ERBB4: variants seen among roughly 807,000 people sequenced by gnomAD.
ERBB4 encodes the protein erb-b2 receptor tyrosine kinase 4, also known as receptor tyrosine-protein kinase erbB-4.
In ERBB4, 42 loss-of-function variants were observed where a neutral mutation model predicts 158.0. The observed-to-expected ratio is 0.27, with a 90% confidence interval of 0.21 to 0.34. The LOEUF (loss-of-function observed/expected upper bound fraction) is 0.34. ERBB4 is among the 10% of genes least tolerant of loss of function. ERBB4 has a pLI of 1.00. For missense variants in ERBB4, 1,333 were observed against 1,624.1 expected, an observed-to-expected ratio of 0.82 and a Z score of 3.08; for synonymous variants, 583 against 558.7, an observed-to-expected ratio of 1.04 and a Z score of -0.61.
At chr2:211,821,200 T>A (rs986241453) in intron 3 of ERBB4, among the ~76,000 whole-genome samples, 13 of 151,802 alleles carry the variant, frequency 8.6e-5, no homozygotes, top group African/African-American at 2.9e-4. Flanking sequence ...AGTTGCAGAT[T>A]GCAAAATCAA....
chr2:212,395,563 T>C (rs1294108124), intron 1 of ERBB4, among the ~76,000 whole-genome samples: 1 of 151,344 alleles, frequency 6.6e-6, no homozygotes, highest in Non-Finnish European at 1.5e-5. Flanking sequence ...TGTGTTAGCA[T>C]CTTTGGCTTG....
chr2:212,522,038 C>T (rs1692198758), intron 1 of ERBB4, among the ~76,000 whole-genome samples: 1 of 151,838 alleles, frequency 6.6e-6, no homozygotes, highest in Non-Finnish European at 1.5e-5. Context: ...TGTCAATGAC[C>T]TAAAATACTT....
chr2:211,509,651 G>A (rs2065841047), intron 20 of ERBB4, among the ~76,000 whole-genome samples: 1 of 147,886 alleles, frequency 6.8e-6, no homozygotes, highest in African/African-American at 2.4e-5. Flanking sequence ...TATCAATAGA[G>A]TAAACAGTCT....
intron 1 of ERBB4, among the ~76,000 whole-genome samples, chr2:212,326,793 C>G (rs888390083): frequency 6.6e-6 from 1 of 150,750 alleles, no homozygotes; most frequent in Non-Finnish European, 1.5e-5. Flanking sequence ...GATTGGTATT[C>G]TAGATCCAAA....
chr2:212,425,090 CTT>C (rs527348100), intron 1 of ERBB4, among the ~76,000 whole-genome samples: 9 of 151,554 alleles, frequency 5.9e-5, no homozygotes, highest in Non-Finnish European at 1.3e-4. Context: ...TTTTTCTAAG[CTT>C]TCTTAAAACT....
chr2:212,396,591 C>A (rs2091032438), intron 1 of ERBB4, among the ~76,000 whole-genome samples: 1 of 152,058 alleles, frequency 6.6e-6, no homozygotes, highest in Non-Finnish European at 1.5e-5. Context: ...GCTATTATTA[C>A]CCTTACAGAA....
chr2:212,392,921 T>A (rs2090919500), intron 1 of ERBB4, among the ~76,000 whole-genome samples: 6 of 152,038 alleles, frequency 3.9e-5, no homozygotes. Context: ...TTTCTGCTTG[T>A]GCCACTTTTG....
chr2:212,240,684 A>AAGGAC (rs1369031786), intron 1 of ERBB4, among the ~76,000 whole-genome samples: 7 of 151,312 alleles, frequency 4.6e-5, no homozygotes, highest in African/African-American at 1.7e-4. Flanking sequence ...AAAAAGAAAA[A>AAGGAC]AGGACAGATA....
chr2:211,775,156 C>G (rs146740070), intron 4 of ERBB4, among the ~76,000 whole-genome samples: 1 of 152,222 alleles, frequency 6.6e-6, no homozygotes, highest in Non-Finnish European at 1.5e-5. Context: ...AACTAAGGTT[C>G]TATCTTGGAC....
At chr2:212,111,821 C>T (rs2125541507) in intron 2 of ERBB4, among the ~76,000 whole-genome samples, 1 of 152,108 alleles carries the variant, frequency 6.6e-6, no homozygotes, top group Non-Finnish European at 1.5e-5. Flanking sequence ...TTTTAAGGCG[C>T]TCTTGAGTTC....
At chr2:212,446,597 A>ATATATATATATATATATATG (rs2092357579) in intron 1 of ERBB4, among the ~76,000 whole-genome samples, 1 of 17,200 alleles carries the variant, frequency 5.8e-5, no homozygotes. Flanking sequence ...ATATGTATAT[A>ATATATATATATATATATATG]TATATATATA....
chr2:211,547,416 T>A (rs930296515), intron 20 of ERBB4, among the ~76,000 whole-genome samples: 1 of 152,024 alleles, frequency 6.6e-6, no homozygotes. Flanking sequence ...AAAAGGCAAA[T>A]CTTATCTCCA....
At chr2:211,816,363 A>G (rs2076879755) in intron 3 of ERBB4, among the ~76,000 whole-genome samples, 1 of 151,770 alleles carries the variant, frequency 6.6e-6, no homozygotes, top group African/African-American at 2.4e-5. Flanking sequence ...CAACATGATG[A>G]AACCCCGTCT....
intron 12 of ERBB4, among the ~76,000 whole-genome samples, chr2:211,680,382 T>C (rs1215528512): frequency 6.6e-6 from 1 of 152,202 alleles, no homozygotes; most frequent in Non-Finnish European, 1.5e-5. Context: ...TTTGAGGTAT[T>C]TGAAACACAA....
chr2:211,768,904 A>G (rs2075623813), intron 4 of ERBB4, among the ~76,000 whole-genome samples: 1 of 152,220 alleles, frequency 6.6e-6, no homozygotes, highest in South Asian at 2.1e-4. Context: ...ATTTCTCATC[A>G]GAAAATAAGT....
chr2:212,100,763 A>G lies in ERBB4; in HGVS notation c.234+23989T>C, dbSNP rs538861497. 3.9e-5 allele frequency among the ~76,000 whole-genome samples: 6 copies of G among 152,280 alleles called. No individual in the cohort carries two copies. In the South Asian group the frequency reaches 1.2e-3, roughly 32 times the overall value. On this transcript the variant is annotated intron_variant, in intron 2 of 27. Transcript: ENST00000342788. ...GAAGCAATTATTCTGCCTGAGTAGG[A>G]GCAGGGAAGGTTTTAAAGAAAAGGT...
intron 3 of ERBB4, among the ~76,000 whole-genome samples, chr2:211,902,175 T>C (rs993734355): frequency 2.6e-5 from 4 of 152,136 alleles, no homozygotes; most frequent in African/African-American, 9.7e-5. Flanking sequence ...GAGCAGGGAT[T>C]ACCCCTTGTT....
chr2:211,686,755 C>T (rs1467324248), intron 12 of ERBB4, among the ~76,000 whole-genome samples: 368 of 406 alleles, frequency 0.91, 181 homozygotes, highest in African/African-American at 0.93. Flanking sequence ...CGGGGTTTCA[C>T]CTTGTTAGCC....
chr2:211,584,339 T>A (rs1373247963), intron 19 of ERBB4, among the ~76,000 whole-genome samples: 1 of 152,044 alleles, frequency 6.6e-6, no homozygotes, highest in Non-Finnish European at 1.5e-5. Context: ...GGATAGGTAA[T>A]TCATTTGTAC....
Sources: gnomAD v4.1 joint callset for allele counts (sites outside exome capture counted in the v4.1 genomes callset) on GRCh38, gnomAD v4.1.1 for gene constraint, MANE v1.5 for transcripts, NCBI Gene and HGNC (gene_info 2026-07-23, HGNC 2026-07-21) for gene names.